Variants in RNF145 observed in about 807,000 individuals in gnomAD.
The protein encoded by RNF145 is ring finger protein 145.
In RNF145, 12 loss-of-function variants were observed where a neutral mutation model predicts 57.3. The ratio of observed to expected loss-of-function variants is 0.21; its 90% CI spans 0.13 to 0.34. The LOEUF (loss-of-function observed/expected upper bound fraction) is 0.34, where lower values mean the gene tolerates loss of function less well. Among genes scored for constraint, RNF145 ranks in the 10% least tolerant of loss-of-function variants. The probability of loss-of-function intolerance (pLI) is 1.00; values close to 1 mark genes in which losing one functional copy is unlikely to be tolerated. For synonymous variants in RNF145, 262 were observed against 288.3 expected (o/e 0.91, Z 0.92); for missense variants, 429 against 799.0 (o/e 0.54, Z 5.58).
chr5:159,173,432 GA>G (rs1325849942), intron 6 of RNF145, among the ~76,000 whole-genome samples: 3 of 152,116 alleles, frequency 2.0e-5, no homozygotes, highest in African/African-American at 7.2e-5. Flanking sequence ...AGTCAACAGG[GA>G]CAAAGGCAAA....
At chr5:159,169,589 T>TA in intron 7 of RNF145, 90 bp downstream of exon 7, 4 of 1,153,388 alleles carry the variant, frequency 3.5e-6, no homozygotes, top group Non-Finnish European at 4.8e-6. Context: ...CCATTTCTTC[T>TA]AAAATTCATC....
chr5:159,180,955 A>G (rs1304107865), intron 4 of RNF145, among the ~76,000 whole-genome samples: 1 of 151,962 alleles, frequency 6.6e-6, no homozygotes, highest in Non-Finnish European at 1.5e-5. Flanking sequence ...AGGTGGGTGA[A>G]GGATAAAAGA....
At chr5:159,178,048 C>T (rs73816511) in intron 4 of RNF145, among the ~76,000 whole-genome samples, 1 of 151,878 alleles carries the variant, frequency 6.6e-6, no homozygotes, top group Non-Finnish European at 1.5e-5. Flanking sequence ...TAACTTTATT[C>T]TCTTATAAAA....
intron 6 of RNF145, among the ~76,000 whole-genome samples, chr5:159,170,995 C>T (rs1290082010): frequency 6.6e-6 from 1 of 152,064 alleles, no homozygotes; most frequent in African/African-American, 2.4e-5. Flanking sequence ...TACTATGCAG[C>T]TCCATGCTTC....
At chr5:159,173,063 T>G (rs1232302499) in intron 6 of RNF145, among the ~76,000 whole-genome samples, 1 of 152,110 alleles carries the variant, frequency 6.6e-6, no homozygotes, top group Non-Finnish European at 1.5e-5. Context: ...GAAAATGACT[T>G]AAATGACATG....
intron 3 of RNF145, among the ~76,000 whole-genome samples, chr5:159,185,119 T>A (rs558174748): frequency 8.5e-5 from 13 of 152,260 alleles, no homozygotes; most frequent in African/African-American, 2.9e-4. Flanking sequence ...CTAGGCCCCT[T>A]AGAACGTTTC....
At chr5:159,167,969 C>A (rs1278641740) in intron 8 of RNF145, among the ~76,000 whole-genome samples, 1 of 152,012 alleles carries the variant, frequency 6.6e-6, no homozygotes, top group Non-Finnish European at 1.5e-5. Flanking sequence ...TAAAAGGCTA[C>A]CGAAGAAGCA....
rs568537586 is a variant in RNF145 at position 159,169,034 on chromosome 5, C to T, written c.960G>A (p.Thr320=). 28 of 1,572,948 alleles carry T rather than the reference C, an allele frequency of 1.8e-5. No individual in the cohort carries two copies. The highest frequency in any genetic ancestry group is 2.3e-5 in the East Asian group (1 of 43,720). Residue 320 remains threonine (T), a synonymous_variant, in exon 8 of 11, where the codon ACG becomes ACA. Transcript: ENST00000424310. ...CAGTCTGCACTGCCAGGATTAACAG[C>T]GTTACTCCTTCTGTCATGCCCCTAA... ...AMNRGMTEGV[T]LLILAVQTGL... is the part of the protein sequence containing the mutation.
At chr5:159,201,474 G>C (rs1785664151) in intron 2 of RNF145, among the ~76,000 whole-genome samples, 1 of 152,138 alleles carries the variant, frequency 6.6e-6, no homozygotes, top group Admixed American at 6.5e-5. Context: ...ATAAATTATG[G>C]TATATCCATA....
chr5:159,180,371 TTCTCA>T (rs1422874500), intron 4 of RNF145, among the ~76,000 whole-genome samples: 4 of 152,178 alleles, frequency 2.6e-5, no homozygotes, highest in African/African-American at 9.6e-5. Flanking sequence ...TGTTGAGGTC[TTCTCA>T]TCCATCTAAA....
upstream of RNF145, chr5:159,209,828 C>G: frequency 6.5e-7 from 1 of 1,535,004 alleles, no homozygotes; most frequent in Non-Finnish European, 8.7e-7. Context: ...CACCACGGGC[C>G]GCAAGCGCTC....
intron 1 of RNF145, among the ~76,000 whole-genome samples, chr5:159,206,617 T>C (rs924730676): frequency 4.6e-5 from 7 of 152,226 alleles, no homozygotes; most frequent in Non-Finnish European, 1.0e-4. Flanking sequence ...ACCTTTATAA[T>C]GTTGCCTAAT....
At chr5:159,192,820 A>G (rs1195978738) in intron 3 of RNF145, among the ~76,000 whole-genome samples, 1 of 152,258 alleles carries the variant, frequency 6.6e-6, no homozygotes, top group African/African-American at 2.4e-5. Flanking sequence ...CAAACCATCC[A>G]TCTATCGAAA....
chr5:159,164,959 C>G (rs1481849017), intron 8 of RNF145, among the ~76,000 whole-genome samples: 1 of 152,214 alleles, frequency 6.6e-6, no homozygotes, highest in Non-Finnish European at 1.5e-5. Context: ...AAAGTTGTTT[C>G]ATGAACTATT....
chr5:159,201,118 C>T (rs1028624231), intron 2 of RNF145, among the ~76,000 whole-genome samples: 1 of 152,132 alleles, frequency 6.6e-6, no homozygotes, highest in African/African-American at 2.4e-5. Flanking sequence ...GGTCCACTTA[C>T]ATGTAGATTT....
intron 1 of RNF145, 63 bp from the exon 2 acceptor site, chr5:159,203,719 C>A (rs1785757712): frequency 1.9e-6 from 2 of 1,067,186 alleles, no homozygotes; most frequent in Non-Finnish European, 2.7e-6. Flanking sequence ...TTTAGATACC[C>A]TTTCACGAAT....
At chr5:159,195,677 T>G (rs1426790805) in intron 2 of RNF145, among the ~76,000 whole-genome samples, 1 of 152,220 alleles carries the variant, frequency 6.6e-6, no homozygotes. Context: ...CAATAAACAC[T>G]GGAAATTTGG....
chr5:159,190,928 A>T (rs1785268589), intron 3 of RNF145, among the ~76,000 whole-genome samples: 1 of 152,122 alleles, frequency 6.6e-6, no homozygotes, highest in African/African-American at 2.4e-5. Flanking sequence ...AAAATATGCC[A>T]TATCTTGAAA....
chr5:159,164,905 G>A (rs908581149), intron 8 of RNF145, among the ~76,000 whole-genome samples: 13 of 152,172 alleles, frequency 8.5e-5, no homozygotes, highest in African/African-American at 2.7e-4. Flanking sequence ...CTCCAAAGAC[G>A]TATTTATGAA....
Sources: gnomAD v4.1 joint callset for allele counts (sites outside exome capture counted in the v4.1 genomes callset) on GRCh38, gnomAD v4.1.1 for gene constraint, MANE v1.5 for transcripts, NCBI Gene and HGNC (gene_info 2026-07-23, HGNC 2026-07-21) for gene names.